ATP2B4: variants seen among roughly 807,000 people sequenced by gnomAD.
ATP2B4 encodes plasma membrane calcium-transporting ATPase 4.
Under a neutral mutation model 110.3 loss-of-function variants are expected in ATP2B4, and 39 were observed. The ratio of observed to expected loss-of-function variants is 0.35; its 90% CI spans 0.27 to 0.46. The LOEUF (loss-of-function observed/expected upper bound fraction) is 0.46, where lower values mean the gene tolerates loss of function less well. ATP2B4 is among the 20% of genes least tolerant of loss of function. ATP2B4 has a pLI of 1.00. For synonymous variants in ATP2B4, 538 were observed against 571.7 expected, an observed-to-expected ratio of 0.94 and a Z score of 0.84; for missense variants, 1,135 against 1,530.9, an observed-to-expected ratio of 0.74 and a Z score of 4.32.
chr1:203,669,152 T>C lies in ATP2B4; in HGVS notation c.-464-13590T>C, dbSNP rs148337431. Among the ~76,000 whole-genome samples, 301 of 152,354 alleles carry C rather than the reference T, an allele frequency of 2.0e-3. 1 individual carries two copies. The highest frequency in any genetic ancestry group is 2.4e-3 in the Non-Finnish European group (164 of 68,032). ...GAAGTGGTGTTTAAAGTGGTATGTA[T>C]AGGAGTTTAGAATCAACTGGGTTGT... is the stretch of plus-strand genomic sequence containing the variant. On this transcript the variant is annotated intron_variant, in intron 1 of 20. Transcript: ENST00000357681.
chr1:203,732,755 C>T (rs568609804), intron 20 of ATP2B4, among the ~76,000 whole-genome samples: 13 of 150,360 alleles, frequency 8.6e-5, no homozygotes, highest in Admixed American at 8.6e-4. Flanking sequence ...GTGGAGGTTG[C>T]AGTGAACCGA....
At position 203,632,028 on chromosome 1, in the gene ATP2B4, A is replaced by G. The variant is rs561517403; in HGVS notation, c.-465+4809A>G. On this transcript the variant is annotated intron_variant, in intron 1 of 20. Transcript: ENST00000357681. ...AGGCTGGTCTCAAACTCCTGAGCTC[A>G]GGCAATCTACCTGCCTGAGCTGGGA... 6.0e-4 allele frequency among the ~76,000 whole-genome samples: 91 copies of G among 152,058 alleles called. No homozygotes were observed. The South Asian group carries it at 6.7e-3, about 11-fold the overall frequency.
At chr1:203,661,895 C>T (rs142542714) in intron 1 of ATP2B4, among the ~76,000 whole-genome samples, 1 of 152,294 alleles carries the variant, frequency 6.6e-6, no homozygotes, top group African/African-American at 2.4e-5. Flanking sequence ...TGGAATTTAG[C>T]TCTGCTCTTC....
chr1:203,724,646 T>C (rs1666450149), intron 19 of ATP2B4, among the ~76,000 whole-genome samples: 1 of 152,004 alleles, frequency 6.6e-6, no homozygotes, highest in Non-Finnish European at 1.5e-5. Flanking sequence ...AAGACACATG[T>C]CTTTATTCTC....
At chr1:203,651,873 C>T (rs1344226036) in intron 1 of ATP2B4, among the ~76,000 whole-genome samples, 2 of 151,658 alleles carry the variant, frequency 1.3e-5, no homozygotes, top group South Asian at 2.1e-4. Context: ...GTTTGGCCAA[C>T]ATGGTGAAAC....
At chr1:203,687,439 T>A (rs141800393) in intron 2 of ATP2B4, among the ~76,000 whole-genome samples, 42 of 152,284 alleles carry the variant, frequency 2.8e-4, no homozygotes, top group African/African-American at 9.4e-4. Flanking sequence ...GCCAGCCTGT[T>A]CATGGAAGGC....
chr1:203,632,147 T>G (rs1663287681), intron 1 of ATP2B4, among the ~76,000 whole-genome samples: 1 of 151,876 alleles, frequency 6.6e-6, no homozygotes, highest in Non-Finnish European at 1.5e-5. Context: ...ATGCCCATTC[T>G]TTAAAAAATG....
rs1663115054 is a variant in ATP2B4 at position 203,627,151 on chromosome 1, AC to A, written c.-530del. The A allele has an allele frequency of 6.6e-6, 1 of 152,214 alleles. No individual in the cohort carries two copies. The highest frequency in any genetic ancestry group is 6.5e-5 in the Admixed American group (1 of 15,282). 9.4% of individuals were successfully genotyped at this position (152,214 alleles called of 1,614,324 possible). On this transcript the variant is annotated 5_prime_UTR_variant, in exon 1 of 21. Transcript: ENST00000357681. ...GACTGGTGGGTGGTCACCCCACCCT[AC>A]CCTCATCCATGGAAACCCGGAGGGA...
intron 1 of ATP2B4, among the ~76,000 whole-genome samples, chr1:203,662,154 G>C (rs185999060): frequency 6.6e-6 from 1 of 152,118 alleles, no homozygotes; most frequent in Non-Finnish European, 1.5e-5. Context: ...CTCCCGAGTA[G>C]CTGGGACTGC....
In ATP2B4 at chr1:203,723,832, G is replaced by A. The variant is rs747809550; in HGVS notation, c.3025-49G>A. The A allele has an allele frequency of 7.5e-6, 11 of 1,473,566 alleles. 1 individual carries two copies. The South Asian group carries it at 1.2e-4, about 15-fold the overall frequency. 91.3% of individuals were successfully genotyped at this position (1,473,566 alleles called of 1,614,324 possible). A position where few individuals can be genotyped will look rare whatever the true frequency, so the allele number is the denominator to read the frequency against. Reference sequence around the variant, plus strand: ...GGGGGCCTTGGCTGGAGGGCCAGCTGCCTGTTAGTCATTTCCTTGATGGTG... The same window carrying A: ...GGGGGCCTTGGCTGGAGGGCCAGCTACCTGTTAGTCATTTCCTTGATGGTG... On this transcript the variant is annotated intron_variant, in intron 18 of 20. Coordinates refer to ENST00000357681, the MANE Select transcript of ATP2B4 (RefSeq NM_001684.5).
At chr1:203,672,031 G>A (rs1664679397) in intron 1 of ATP2B4, among the ~76,000 whole-genome samples, 1 of 152,176 alleles carries the variant, frequency 6.6e-6, no homozygotes, top group African/African-American at 2.4e-5. Flanking sequence ...CTGGGGGGAG[G>A]GAGGAGTGCT....
chr1:203,686,676 C>CTTTCTTTTTTT (rs1571722115), intron 2 of ATP2B4, among the ~76,000 whole-genome samples: 1 of 52,296 alleles, frequency 1.9e-5, no homozygotes, highest in East Asian at 1.3e-3. Flanking sequence ...GTTTTTCTTT[C>CTTTCTTTTTTT]TTTTCTTTCT....
At chr1:203,687,243 G>GA (rs1665221774) in intron 2 of ATP2B4, among the ~76,000 whole-genome samples, 2 of 119,208 alleles carry the variant, frequency 1.7e-5, no homozygotes, top group African/African-American at 6.0e-5. Context: ...AAGAAAAGGA[G>GA]AAAAAAATAA....
chr1:203,678,392 CTT>C (rs35598967), intron 1 of ATP2B4, among the ~76,000 whole-genome samples: 48 of 100,186 alleles, frequency 4.8e-4, no homozygotes, highest in Admixed American at 5.8e-4. Context: ...TTTCTAGAGG[CTT>C]TTTTTTTTTT....
At chr1:203,678,729 T>C (rs1380579961) in intron 1 of ATP2B4, among the ~76,000 whole-genome samples, 3 of 152,118 alleles carry the variant, frequency 2.0e-5, no homozygotes, top group Non-Finnish European at 4.4e-5. Flanking sequence ...AAGGGCCTCT[T>C]AGAAGCTTGC....
At chr1:203,648,264 A>T (rs560303797) in intron 1 of ATP2B4, among the ~76,000 whole-genome samples, 27 of 152,278 alleles carry the variant, frequency 1.8e-4, no homozygotes, top group African/African-American at 6.5e-4. Context: ...ATCTGCAGCT[A>T]TATTTTTAAA....
chr1:203,689,044 T>G lies in ATP2B4; in HGVS notation c.193+5646T>G, dbSNP rs570609462. 2.6e-4 allele frequency among the ~76,000 whole-genome samples: 39 copies of G among 152,268 alleles called. No individual in the cohort carries two copies. In the South Asian group the frequency reaches 6.2e-3, roughly 24 times the overall value. ...CCCCCTCCTTTTATTGTCTCTTCTT[T>G]CCCTGTCCCATTCCCACCTCAACCA... On this transcript the variant is annotated intron_variant, in intron 2 of 20. Coordinates refer to ENST00000357681, the MANE Select transcript of ATP2B4 (RefSeq NM_001684.5).
In ATP2B4 at chr1:203,655,159, GAA is replaced by G. The variant is rs554312495; in HGVS notation, c.-464-27581_-464-27580del. ...GAGTTGCTTTTTAGGAATGAGCAAAGAAAGTGGTTTCTTGAGATGAAATCTAC... is the reference window on the plus strand; with the variant it reads ...GAGTTGCTTTTTAGGAATGAGCAAAGAGTGGTTTCTTGAGATGAAATCTAC... On this transcript the variant is annotated intron_variant, in intron 1 of 20. Transcript: ENST00000357681. Among the ~76,000 whole-genome samples the G allele has an allele frequency of 1.2e-3, 181 of 152,290 alleles. 1 individual carries two copies. Among genetic ancestry groups the G allele is most frequent in the Non-Finnish European group, 1.9e-3 (128 of 68,010 alleles).
chr1:203,676,720 C>A (rs1176358719), intron 1 of ATP2B4, among the ~76,000 whole-genome samples: 1 of 152,066 alleles, frequency 6.6e-6, no homozygotes, highest in African/African-American at 2.4e-5. Flanking sequence ...GTGGAGGAAG[C>A]CCTCATCCCC....
Sources: gnomAD v4.1 joint callset for allele counts (sites outside exome capture counted in the v4.1 genomes callset) on GRCh38, gnomAD v4.1.1 for gene constraint, MANE v1.5 for transcripts, NCBI Gene and HGNC (gene_info 2026-07-23, HGNC 2026-07-21) for gene names.